The following THSD4 variants were observed in gnomAD, a reference collection of about 807,000 sequenced individuals.
The protein encoded by THSD4 is thrombospondin type 1 domain containing 4.
In THSD4, 69 loss-of-function variants were observed where a neutral mutation model predicts 119.0. That is an observed-to-expected ratio of 0.58 (90% CI 0.48 to 0.71). THSD4 has a LOEUF of 0.71. Among genes scored for constraint, THSD4 ranks in the 30% least tolerant of loss-of-function variants. The pLI, the probability that THSD4 is intolerant of heterozygous loss-of-function variation, is 0.00. For missense variants in THSD4, 1,393 were observed against 1,391.1 expected, an observed-to-expected ratio of 1.00 and a Z score of -0.02; for synonymous variants, 524 against 540.4, an observed-to-expected ratio of 0.97 and a Z score of 0.42.
upstream of THSD4, among the ~76,000 whole-genome samples, chr15:71,114,084 G>A (rs1328117856): frequency 6.6e-6 from 1 of 152,124 alleles, no homozygotes; most frequent in Non-Finnish European, 1.5e-5. Context: ...ATCAAGTGTG[G>A]AATTATTTCA....
chr15:71,149,603 A>T (rs1371318184), intron 2 of THSD4, among the ~76,000 whole-genome samples: 1 of 152,174 alleles, frequency 6.6e-6, no homozygotes, highest in Non-Finnish European at 1.5e-5. Flanking sequence ...TTCAATGCTA[A>T]GATTTTGGCT....
At chr15:71,429,832 A>T (rs2046918891) in intron 7 of THSD4, among the ~76,000 whole-genome samples, 2 of 152,206 alleles carry the variant, frequency 1.3e-5, no homozygotes, top group African/African-American at 2.4e-5. Flanking sequence ...AACCCAACTA[A>T]ACAGTAGTTT....
chr15:71,750,467 T>A (rs1355528274), intron 14 of THSD4, among the ~76,000 whole-genome samples: 1 of 151,998 alleles, frequency 6.6e-6, no homozygotes, highest in Non-Finnish European at 1.5e-5. Context: ...CCACAGGGAG[T>A]GTTATCCAGA....
chr15:71,173,302 A>T (rs1318830787), intron 3 of THSD4, among the ~76,000 whole-genome samples: 1 of 152,170 alleles, frequency 6.6e-6, no homozygotes, highest in East Asian at 1.9e-4. Flanking sequence ...GAACTTGGTG[A>T]TTAACTTAAT....
chr15:71,430,910 T>A (rs1595760348), intron 7 of THSD4, among the ~76,000 whole-genome samples: 1 of 152,124 alleles, frequency 6.6e-6, no homozygotes, highest in South Asian at 2.1e-4. Flanking sequence ...AGCTGTCTGG[T>A]CATAGATGAA....
chr15:71,138,580 T>C (rs1226107797), intron 1 of THSD4, among the ~76,000 whole-genome samples: 8 of 152,146 alleles, frequency 5.3e-5, no homozygotes, highest in Non-Finnish European at 1.2e-4. Flanking sequence ...TCTTCCCACC[T>C]TCTCCTGCCA....
At chr15:71,449,635 G>A (rs553448290) in intron 7 of THSD4, among the ~76,000 whole-genome samples, 3 of 143,852 alleles carry the variant, frequency 2.1e-5, no homozygotes, top group African/African-American at 7.5e-5. Flanking sequence ...AGTCACACAG[G>A]ACAATGATGA....
At chr15:71,101,127 T>C (rs2040251909) in intron 1 of THSD4, among the ~76,000 whole-genome samples, 2 of 152,168 alleles carry the variant, frequency 1.3e-5, no homozygotes, top group Non-Finnish European at 2.9e-5. Context: ...TACTTTCTTC[T>C]GAAATATTTG....
In THSD4 at chr15:71,242,874, C is replaced by G; in HGVS notation, c.690C>G (p.Gly230=). 6.2e-7 allele frequency: 1 copy of G among 1,614,234 alleles called. No homozygotes were observed. Among genetic ancestry groups the G allele is most frequent in the Non-Finnish European group, 8.5e-7 (1 of 1,180,054 alleles). The change falls in exon 5 of 18, where the codon GGC becomes GGG. Residue 230 remains glycine, a synonymous_variant. Coordinates refer to ENST00000261862, the MANE Select transcript of THSD4 (RefSeq NM_024817.3). ...GGCCTTTGTACCAAAGTGACAGTGG[C>G]CCTCGCTCTGGACTGCAGGCTGCGG... is the stretch of plus-strand genomic sequence containing the variant. The part of the protein sequence containing the change: ...QHGPLYQSDS[G]PRSGLQAAEA...
At chr15:71,536,292 G>A (rs982428993) in intron 7 of THSD4, among the ~76,000 whole-genome samples, 9 of 152,284 alleles carry the variant, frequency 5.9e-5, no homozygotes, top group Admixed American at 5.2e-4. Flanking sequence ...ACATTCCTTG[G>A]TTCCCAGGTC....
intron 11 of THSD4, among the ~76,000 whole-genome samples, chr15:71,744,147 CT>C (rs56158827): frequency 0.07 from 7,142 of 102,728 alleles, 174 homozygotes; most frequent in South Asian, 0.11. Context: ...ATTGAATCAG[CT>C]TTTTTTTTTT....
intron 3 of THSD4, chr15:71,164,754 CTG>C (rs1290126785): frequency 1.8e-5 from 28 of 1,586,926 alleles, no homozygotes; most frequent in Non-Finnish European, 2.2e-5. Flanking sequence ...GAAAAAAAAA[CTG>C]CGCTAGAACC....
At chr15:71,527,663 G>A (rs1595859366) in intron 7 of THSD4, among the ~76,000 whole-genome samples, 1 of 146,412 alleles carries the variant, frequency 6.8e-6, no homozygotes, top group East Asian at 2.0e-4. Flanking sequence ...TTTCTTCATT[G>A]ATGTTACTCA....
intron 8 of THSD4, among the ~76,000 whole-genome samples, chr15:71,694,609 A>C (rs530765797): frequency 6.6e-6 from 1 of 152,306 alleles, no homozygotes; most frequent in South Asian, 2.1e-4. Flanking sequence ...TGAGTGAAAA[A>C]TTCTGCTTCC....
chr15:71,206,778 T>G (rs1027962645), intron 3 of THSD4, among the ~76,000 whole-genome samples: 6 of 152,236 alleles, frequency 3.9e-5, no homozygotes, highest in African/African-American at 7.2e-5. Flanking sequence ...CTTAGTTCAC[T>G]CTGTGCCTCC....
intron 14 of THSD4, among the ~76,000 whole-genome samples, chr15:71,755,737 AG>A (rs1389601029): frequency 8.7e-4 from 124 of 142,834 alleles, no homozygotes; most frequent in African/African-American, 3.1e-3. Flanking sequence ...AAAAAAAGAC[AG>A]GACACAAATA....
chr15:71,158,708 C>T (rs2043225396), intron 3 of THSD4, among the ~76,000 whole-genome samples: 1 of 151,218 alleles, frequency 6.6e-6, no homozygotes, highest in African/African-American at 2.4e-5. Flanking sequence ...GGATATTAGC[C>T]CCTTGTCAGA....
chr15:71,331,094 C>G (rs570271175), intron 6 of THSD4, among the ~76,000 whole-genome samples: 2 of 152,306 alleles, frequency 1.3e-5, no homozygotes, highest in African/African-American at 4.8e-5. Flanking sequence ...TTTGTCTCCC[C>G]TTCTAGTTTT....
chr15:71,470,045 T>G (rs16955676), intron 7 of THSD4, among the ~76,000 whole-genome samples: 26,389 of 152,186 alleles, frequency 0.17, 2,633 homozygotes, highest in South Asian at 0.31. Flanking sequence ...AGCCGATTTA[T>G]GCAAAGGTGT....
Sources: allele counts gnomAD v4.1 joint callset (sites outside exome capture counted in the v4.1 genomes callset), GRCh38; gene constraint gnomAD v4.1.1; transcripts MANE v1.5; gene names NCBI Gene and HGNC (gene_info 2026-07-23, HGNC 2026-07-21).